Variants in ZNF7 observed in about 807,000 individuals in gnomAD.
ZNF7 encodes the protein zinc finger protein 7.
A neutral mutation model predicts 12.0 loss-of-function variants in ZNF7; 10 were observed. The observed-to-expected ratio is 0.83, with a 90% CI of 0.51 to 1.42. The LOEUF (loss-of-function observed/expected upper bound fraction) is 1.42. ZNF7 is among the 40% of genes most tolerant of loss of function. The pLI is 0.00. For missense variants in ZNF7, 854 were observed against 837.2 expected (o/e 1.02, Z -0.25); for synonymous variants, 334 against 295.0 (o/e 1.13, Z -1.35).
chr8:144,829,217 C>G, intron 2 of ZNF7, 127 bp downstream of exon 2: 1 of 1,568,022 alleles, frequency 6.4e-7, no homozygotes, highest in Non-Finnish European at 8.6e-7. Context: ...CCCTTGCCCC[C>G]AACCCCAAGG....
chr8:144,845,718 C>G (rs1830474823), downstream of ZNF7, among the ~76,000 whole-genome samples: 2 of 152,214 alleles, frequency 1.3e-5, no homozygotes, highest in Non-Finnish European at 2.9e-5. Context: ...TGACCTCCCA[C>G]CTGCCTCTTC....
chr8:144,828,968 A>G (rs1828117126), intron 1 of ZNF7, 75 bp from the exon 2 acceptor site: 3 of 1,552,608 alleles, frequency 1.9e-6, no homozygotes, highest in Admixed American at 1.9e-5. Flanking sequence ...AGCAGAGAGC[A>G]CAGTACCCCC....
intron 2 of ZNF7, 163 bp downstream of exon 2, chr8:144,829,253 AG>A (rs1317140816): frequency 6.5e-7 from 1 of 1,539,414 alleles, no homozygotes. Flanking sequence ...TGCCCAAACC[AG>A]GGCCTAATTG....
At chr8:144,841,023 C>T in intron 4 of ZNF7, 1 of 257,852 alleles carries the variant, frequency 3.9e-6, no homozygotes, top group Non-Finnish European at 7.4e-6. Flanking sequence ...GTGGTAGCTT[C>T]CCACCCTTCT....
intron 4 of ZNF7, among the ~76,000 whole-genome samples, chr8:144,840,397 G>A (rs1829726572): frequency 6.6e-6 from 1 of 152,224 alleles, no homozygotes; most frequent in South Asian, 2.1e-4. Flanking sequence ...TTGAAGCCCT[G>A]TAACTGGGCT....
downstream of ZNF7, among the ~76,000 whole-genome samples, chr8:144,844,311 T>C (rs1222340893): frequency 1.3e-5 from 2 of 152,212 alleles, no homozygotes; most frequent in Non-Finnish European, 2.9e-5. Flanking sequence ...CACACCCGTG[T>C]GCGCACAGGC....
At chr8:144,832,607 A>G (rs969065282) in intron 3 of ZNF7, among the ~76,000 whole-genome samples, 6 of 151,912 alleles carry the variant, frequency 3.9e-5, no homozygotes, top group Admixed American at 3.9e-4. Flanking sequence ...GGGTGGTTGT[A>G]ATCTTGGCTT....
chr8:144,843,296 T>TTG lies in ZNF7; in HGVS notation c.*128_*129insTG, dbSNP rs757094466. On this transcript the variant is annotated 3_prime_UTR_variant, in exon 5 of 5. Coordinates refer to ENST00000532777, the MANE Select transcript of ZNF7 (RefSeq NM_003416.4). ...AAAGGTTCAGAATTGCTCTCAAGAA[T>TTG]ATCCAACTTCAGGCCGAGTGTGGTG... 259 of 1,220,886 alleles carry TTG rather than the reference T, an allele frequency of 2.1e-4. No homozygotes were observed. Among genetic ancestry groups the TTG allele is most frequent in the Non-Finnish European group, 2.7e-4 (242 of 896,686 alleles). 75.6% of individuals were successfully genotyped at this position (1,220,886 alleles called of 1,614,324 possible).
chr8:144,843,177 C>T lies in ZNF7; in HGVS notation c.*9C>T. ...AAATTCACATGGGATAGACCACTTACATATAAATGTGTATATATGTGAATA... is the reference window on the plus strand; with the variant it reads ...AAATTCACATGGGATAGACCACTTATATATAAATGTGTATATATGTGAATA... On this transcript the variant is annotated 3_prime_UTR_variant, in exon 5 of 5. Transcript: ENST00000532777. The T allele has an allele frequency of 3.2e-6, 5 of 1,558,104 alleles. No homozygotes were observed. The highest frequency in any genetic ancestry group is 4.3e-6 in the Non-Finnish European group (5 of 1,156,938).
In ZNF7 at chr8:144,829,093, A is replaced by G. The variant is rs1828133201; in HGVS notation, c.3+3A>G. ...CCCACCCACCACTGAGCCTCATGGT[A>G]GGAAGCTTGACTGCCTCCTTCCCCT... On this transcript the variant is annotated splice_donor_region_variant and intron_variant, in intron 2 of 4. Coordinates refer to ENST00000532777, the MANE Select transcript of ZNF7 (RefSeq NM_003416.4). The G allele has an allele frequency of 6.2e-7, 1 of 1,613,896 alleles. No homozygotes were observed. The highest frequency in any genetic ancestry group is 1.1e-5 in the South Asian group (1 of 91,042).
At chr8:144,839,205 C>T (rs1413164847) in intron 4 of ZNF7, among the ~76,000 whole-genome samples, 5 of 151,742 alleles carry the variant, frequency 3.3e-5, no homozygotes, top group Non-Finnish European at 5.9e-5. Flanking sequence ...CATTCATATG[C>T]GCCTAGGGGC....
intron 2 of ZNF7, 153 bp downstream of exon 2, chr8:144,829,243 T>C (rs1263116098): frequency 3.9e-6 from 6 of 1,543,314 alleles, no homozygotes; most frequent in Non-Finnish European, 4.4e-6. Context: ...AGCAAACCCC[T>C]GCCCAAACCA....
downstream of ZNF7, among the ~76,000 whole-genome samples, chr8:144,845,359 A>G (rs1830453744): frequency 6.6e-6 from 1 of 151,688 alleles, no homozygotes; most frequent in Non-Finnish European, 1.5e-5. Flanking sequence ...CTCTGTTGGG[A>G]GCTGGGGGGC....
intron 3 of ZNF7, chr8:144,834,145 CTG>C (rs1196861172): frequency 6.6e-6 from 1 of 152,170 alleles, no homozygotes; most frequent in Non-Finnish European, 1.5e-5. Flanking sequence ...TGCTTTGAAA[CTG>C]TTTTCTGTCA....
chr8:144,829,337 C>A, intron 2 of ZNF7, 141 bp from the exon 3 acceptor site: 1 of 1,545,150 alleles, frequency 6.5e-7, no homozygotes, highest in Non-Finnish European at 8.7e-7. Flanking sequence ...ACTGCCCCTC[C>A]CCAGAATATT....
At chr8:144,841,065 G>C in intron 4 of ZNF7, 1 of 378,570 alleles carries the variant, frequency 2.6e-6, no homozygotes, top group Non-Finnish European at 4.8e-6. Flanking sequence ...CCTCTGCATG[G>C]ACTGTGCCCC....
chr8:144,838,166 T>A (rs1829301102), intron 4 of ZNF7: 1 of 702,686 alleles, frequency 1.4e-6, no homozygotes, highest in African/African-American at 1.7e-5. Context: ...CTCACTCTGA[T>A]CTCCGACTCC....
chr8:144,841,299 T>G (rs1316644333), intron 4 of ZNF7, 56 bp from the exon 5 acceptor site: 1 of 1,522,982 alleles, frequency 6.6e-7, no homozygotes, highest in African/African-American at 1.4e-5. Context: ...ATTTGTAGTC[T>G]TATCATTTCT....
Position 144,827,573 on chromosome 8 carries a change from T to A in ZNF7, c.-82T>A, listed in dbSNP as rs943003321. ...TGGCCAAGGCCCGTTTCCGGCGGCG[T>A]CGCGCGTTTGCGAGCCTCGGGTGGT... On this transcript the variant is annotated 5_prime_UTR_variant, in exon 1 of 5. Coordinates refer to ENST00000532777, the MANE Select transcript of ZNF7 (RefSeq NM_003416.4). 1.0e-5 allele frequency: 10 copies of A among 985,478 alleles called. No individual in the cohort carries two copies. Among genetic ancestry groups the A allele is most frequent in the Admixed American group, 6.1e-5 (1 of 16,278 alleles). The allele number at this position is 985,478 out of a possible 1,614,324, so 61.0% of individuals were successfully genotyped here. A position where few individuals can be genotyped will look rare whatever the true frequency, so the allele number is the denominator to read the frequency against.
Sources: gnomAD v4.1 joint callset for allele counts (sites outside exome capture counted in the v4.1 genomes callset) on GRCh38, gnomAD v4.1.1 for gene constraint, MANE v1.5 for transcripts, NCBI Gene and HGNC (gene_info 2026-07-23, HGNC 2026-07-21) for gene names.